FAT3: variants seen among roughly 807,000 people sequenced by gnomAD.
FAT3 encodes FAT atypical cadherin 3.
Under a neutral mutation model 310.2 loss-of-function variants are expected in FAT3, and 95 were observed. That is an observed-to-expected ratio of 0.31 (90% confidence interval 0.26 to 0.36). FAT3 has a LOEUF of 0.36. Among genes scored for constraint, FAT3 ranks in the 10% least tolerant of loss-of-function variants. The pLI is 1.00. For missense variants in FAT3, 5,408 were observed against 5,715.6 expected, an observed-to-expected ratio of 0.95 and a Z score of 1.74; for synonymous variants, 2,314 against 2,192.9, an observed-to-expected ratio of 1.06 and a Z score of -1.54.
At chr11:92,244,503 T>A (rs1864812813) in intron 1 of FAT3, among the ~76,000 whole-genome samples, 1 of 152,118 alleles carries the variant, frequency 6.6e-6, no homozygotes, top group Non-Finnish European at 1.5e-5. Context: ...TAGAAATATC[T>A]GGTAGTTGGA....
chr11:92,742,925 G>A lies in FAT3; in HGVS notation c.3670-18931G>A, dbSNP rs144304106. 1.2e-4 allele frequency among the ~76,000 whole-genome samples: 19 copies of A among 152,270 alleles called. No individual in the cohort carries two copies. In the East Asian group the frequency reaches 1.9e-3, roughly 15 times the overall value. ...GTGTGATTAAAACTGTAGGTGTAGC[G>A]GTGTTAGACACTGGAGGCTAAGAAT... On this transcript the variant is annotated intron_variant, in intron 4 of 27. Coordinates refer to ENST00000525166, the MANE Select transcript of FAT3 (RefSeq NM_001367949.2).
intron 6 of FAT3, among the ~76,000 whole-genome samples, chr11:92,769,975 T>G (rs914152666): frequency 6.6e-6 from 1 of 152,218 alleles, no homozygotes; most frequent in Non-Finnish European, 1.5e-5. Flanking sequence ...AACTAGAGCT[T>G]GGACACCTCT....
chr11:92,832,379 G>A (rs570021241), intron 14 of FAT3, among the ~76,000 whole-genome samples: 1 of 151,998 alleles, frequency 6.6e-6, no homozygotes, highest in Admixed American at 6.6e-5. Flanking sequence ...ACTATATCCT[G>A]CTTCTCCCGA....
intron 2 of FAT3, among the ~76,000 whole-genome samples, chr11:92,481,489 A>G (rs923440688): frequency 6.6e-6 from 1 of 152,186 alleles, no homozygotes; most frequent in African/African-American, 2.4e-5. Context: ...TATTTTGTGT[A>G]GGAATTGTTT....
chr11:92,568,619 C>T (rs1955561015), intron 3 of FAT3, among the ~76,000 whole-genome samples: 1 of 152,154 alleles, frequency 6.6e-6, no homozygotes, highest in African/African-American at 2.4e-5. Flanking sequence ...GAATGTCATT[C>T]CATTGCTAAC....
chr11:92,660,933 A>G (rs1024979161), intron 3 of FAT3, among the ~76,000 whole-genome samples: 1 of 152,242 alleles, frequency 6.6e-6, no homozygotes, highest in Non-Finnish European at 1.5e-5. Context: ...ATCAGCATTT[A>G]GGTCCAATGG....
rs532239758 is a variant in FAT3, at chr11:92,229,503, T to G, written c.-18+4329T>G. ...TTTTGTTTTTTCGTGTTTTTTTTTT[T>G]TTTGTTTTTTGTTTTTTTTTACATT... On this transcript the variant is annotated intron_variant, in intron 1 of 27. Coordinates refer to ENST00000525166, the MANE Select transcript of FAT3 (RefSeq NM_001367949.2). Among the ~76,000 whole-genome samples, 354 of 74,902 alleles carry G rather than the reference T, an allele frequency of 4.7e-3. 24 individuals are homozygous for G. Among genetic ancestry groups the G allele is most frequent in the African/African-American group, 0.012 (271 of 22,612 alleles). 49.1% of individuals were successfully genotyped at this position (74,902 alleles called of 152,430 possible).
At chr11:92,690,447 A>G (rs531170169) in intron 3 of FAT3, among the ~76,000 whole-genome samples, 4 of 152,322 alleles carry the variant, frequency 2.6e-5, no homozygotes, top group South Asian at 4.1e-4. Context: ...CATGTGCTCA[A>G]TTGAGCAATT....
chr11:92,257,968 G>T (rs1865380455), intron 1 of FAT3, among the ~76,000 whole-genome samples: 1 of 152,118 alleles, frequency 6.6e-6, no homozygotes, highest in South Asian at 2.1e-4. Context: ...TATCTTGCTT[G>T]GTTACTTTAT....
chr11:92,555,783 C>T (rs1033108467), intron 3 of FAT3, among the ~76,000 whole-genome samples: 6 of 152,212 alleles, frequency 3.9e-5, no homozygotes, highest in African/African-American at 7.2e-5. Flanking sequence ...TTATGCAGTT[C>T]TGTGTTTTTA....
intron 3 of FAT3, among the ~76,000 whole-genome samples, chr11:92,607,117 G>A (rs1338114407): frequency 1.3e-5 from 2 of 152,162 alleles, no homozygotes; most frequent in Non-Finnish European, 2.9e-5. Context: ...ACCCTTGATT[G>A]AAAGATTCCA....
intron 2 of FAT3, among the ~76,000 whole-genome samples, chr11:92,411,376 G>A (rs750045069): frequency 2.6e-5 from 4 of 151,718 alleles, no homozygotes; most frequent in African/African-American, 7.3e-5. Context: ...GAGCAGTGTC[G>A]AGTGCCCAGA....
Position 92,799,479 on chromosome 11 carries a change from G to A in FAT3, c.6466G>A (p.Val2156Ile), listed in dbSNP as rs904961497. ...TGACTTGTCCAACATTGAGTATGGA[G>A]TCACCATCCTAGCCAAGGATGGCGG... ...NSDLSNIEYG[V>I]TILAKDGGKP... Residue 2156 changes from valine (V) to isoleucine (I), a missense_variant, in exon 10 of 28, where the codon GTC becomes ATC. Transcript: ENST00000525166. 3 of 1,613,652 alleles carry A rather than the reference G, an allele frequency of 1.9e-6. No homozygotes were observed. The highest frequency in any genetic ancestry group is 2.5e-6 in the Non-Finnish European group (3 of 1,179,778).
chr11:92,697,415 T>G lies in FAT3; in HGVS notation c.3639T>G (p.Asp1213Glu). 6.2e-7 allele frequency: 1 copy of G among 1,613,884 alleles called. No homozygotes were observed. The highest frequency in any genetic ancestry group is 8.5e-7 in the Non-Finnish European group (1 of 1,179,816). Residue 1213 changes from aspartate (D) to glutamate (E), a missense_variant, in exon 4 of 28, where the codon GAT (aspartate) becomes GAG (glutamate). Transcript: ENST00000525166. ...GLITTTSRKL[D>E]REQQAEHFLE... ...TTACAACAACTTCAAGGAAATTGGA[T>G]CGAGAACAGCAGGCAGAACATTTTC...
intron 2 of FAT3, among the ~76,000 whole-genome samples, chr11:92,489,887 C>CT (rs566218023): frequency 0.081 from 11,267 of 139,922 alleles, 1,339 homozygotes; most frequent in African/African-American, 0.27. Flanking sequence ...TTTTCTTTTT[C>CT]TTTTTTTTTT....
chr11:92,545,565 T>C (rs898979946), intron 3 of FAT3, among the ~76,000 whole-genome samples: 4 of 152,072 alleles, frequency 2.6e-5, no homozygotes, highest in Admixed American at 6.5e-5. Flanking sequence ...GTGGTTCAAA[T>C]GTATAGTCAG....
intron 4 of FAT3, among the ~76,000 whole-genome samples, chr11:92,753,798 G>GTGTGTGTGTGTGTGTATATA: frequency 4.2e-5 from 5 of 119,182 alleles, no homozygotes; most frequent in Admixed American, 1.6e-4. Flanking sequence ...GTGTGTGTGT[G>GTGTGTGTGTGTGTGTATATA]TATATATATA....
chr11:92,721,367 T>G (rs918075773), intron 4 of FAT3, among the ~76,000 whole-genome samples: 2 of 152,188 alleles, frequency 1.3e-5, no homozygotes, highest in Non-Finnish European at 2.9e-5. Context: ...TGTAAATATA[T>G]AAAAACAATT....
intron 2 of FAT3, among the ~76,000 whole-genome samples, chr11:92,442,111 A>ATATATTTTTTTTTTTTT (rs1453396603): frequency 1.1e-4 from 5 of 45,218 alleles, no homozygotes; most frequent in African/African-American, 9.1e-4. Flanking sequence ...ATATATATAT[A>ATATATTTTTTTTTTTTT]TTTTTTTTTT....
Sources: allele counts gnomAD v4.1 joint callset (sites outside exome capture counted in the v4.1 genomes callset), GRCh38; gene constraint gnomAD v4.1.1; transcripts MANE v1.5; gene names NCBI Gene and HGNC (gene_info 2026-07-23, HGNC 2026-07-21).